CEP57: variants seen among roughly 807,000 people sequenced by gnomAD.
The protein encoded by CEP57 is centrosomal protein 57, also known as centrosomal protein of 57 kDa.
CEP57 carries 40 observed loss-of-function variants against 68.0 expected under a neutral mutation model. The ratio of observed to expected loss-of-function variants is 0.59; its 90% CI spans 0.46 to 0.77. The LOEUF is 0.77. Ranked by LOEUF, CEP57 falls within the 30% of genes least tolerant of loss-of-function variation. The probability of loss-of-function intolerance (pLI) is 0.00; values close to 1 mark genes in which losing one functional copy is unlikely to be tolerated. For synonymous variants in CEP57, 219 were observed against 198.7 expected (o/e 1.10, Z -0.86); for missense variants, 606 against 580.7 (o/e 1.04, Z -0.45).
In CEP57 at chr11:95,827,988, T is replaced by A. The variant is rs771213219; in HGVS notation, c.1088T>A (p.Val363Asp). The change falls in exon 9 of 11, where the codon GTC becomes GAC. Residue 363 changes from valine to aspartate, a missense_variant. Physicochemically the swap from Val to Asp is radical, Grantham distance 152. Transcript: ENST00000325542. ...GGTATTAATGAGGAGTTGTCAGAAG[T>A]CTTACAGACTTTACAGGATGAATTT... The part of the protein sequence containing the change: ...SNGINEELSE[V>D]LQTLQDEFGQ... 6.2e-7 allele frequency: 1 copy of A among 1,613,992 alleles called. No individual in the cohort carries two copies. The highest frequency in any genetic ancestry group is 8.5e-7 in the Non-Finnish European group (1 of 1,179,974).
At chr11:95,825,984 G>A (rs1862728484) in intron 8 of CEP57, 1 of 152,158 alleles carries the variant, frequency 6.6e-6, no homozygotes, top group Admixed American at 6.5e-5. Context: ...AATGGTGGAA[G>A]AATTGGTATC....
At chr11:95,798,736 A>C (rs565265081) in intron 1 of CEP57, among the ~76,000 whole-genome samples, 31 of 152,292 alleles carry the variant, frequency 2.0e-4, no homozygotes, top group African/African-American at 7.2e-4. Context: ...AATGTTTTCT[A>C]ATTATTTTCT....
intron 5 of CEP57, among the ~76,000 whole-genome samples, 187 bp from the exon 6 acceptor site, chr11:95,818,640 G>T (rs1862401803): frequency 6.6e-6 from 1 of 152,064 alleles, no homozygotes; most frequent in Admixed American, 6.6e-5. Flanking sequence ...CCTCACAGAT[G>T]ATAAATAATT....
chr11:95,826,396 T>G (rs1302001952), intron 8 of CEP57: 1 of 152,082 alleles, frequency 6.6e-6, no homozygotes, highest in Admixed American at 6.5e-5. Flanking sequence ...TCAGAACCCA[T>G]GGACACATAG....
At chr11:95,813,305 T>C (rs529309920) in intron 3 of CEP57, among the ~76,000 whole-genome samples, 163 bp from the exon 4 acceptor site, 1 of 152,346 alleles carries the variant, frequency 6.6e-6, no homozygotes, top group South Asian at 2.1e-4. Context: ...CAAGGCCAGT[T>C]TGACTAGCAC....
chr11:95,812,377 T>C (rs1862104537), intron 2 of CEP57, among the ~76,000 whole-genome samples: 1 of 152,124 alleles, frequency 6.6e-6, no homozygotes, highest in South Asian at 2.1e-4. Flanking sequence ...ACCATAGTAA[T>C]GGGGTTTTTA....
intron 2 of CEP57, among the ~76,000 whole-genome samples, chr11:95,805,280 C>T (rs1861750096): frequency 6.6e-6 from 1 of 152,138 alleles, no homozygotes; most frequent in East Asian, 1.9e-4. Context: ...CTGATTATTG[C>T]AGGTATATAA....
chr11:95,820,579 C>CAAAAAAAAAAAA (rs56260498), intron 6 of CEP57, among the ~76,000 whole-genome samples: 3 of 82,436 alleles, frequency 3.6e-5, no homozygotes, highest in Admixed American at 1.4e-4. Context: ...GCAACAAGAG[C>CAAAAAAAAAAAA]AAAAAAAAAA....
chr11:95,790,823 C>G (rs1861003210), intron 1 of CEP57, 80 bp downstream of exon 1: 1 of 1,522,534 alleles, frequency 6.6e-7, no homozygotes, highest in African/African-American at 1.4e-5. Flanking sequence ...AGGGCGCTGT[C>G]AGTCCAGCTT....
intron 1 of CEP57, among the ~76,000 whole-genome samples, chr11:95,798,355 A>G (rs2135255563): frequency 6.6e-6 from 1 of 152,240 alleles, no homozygotes; most frequent in Non-Finnish European, 1.5e-5. Context: ...GTTTCAGGAG[A>G]TTGTTTACTG....
chr11:95,795,650 C>A, intron 1 of CEP57: 2 of 488,188 alleles, frequency 4.1e-6, no homozygotes, highest in South Asian at 3.2e-5. Flanking sequence ...TGTAAAACTT[C>A]ATATTATCAT....
At chr11:95,810,696 G>A (rs1165738006) in intron 2 of CEP57, among the ~76,000 whole-genome samples, 1 of 152,198 alleles carries the variant, frequency 6.6e-6, no homozygotes, top group Non-Finnish European at 1.5e-5. Flanking sequence ...TGAAATAAAA[G>A]AGGATACAAA....
intron 2 of CEP57, among the ~76,000 whole-genome samples, chr11:95,809,881 G>A (rs145471788): frequency 1.9e-3 from 288 of 152,210 alleles, no homozygotes; most frequent in Middle Eastern, 6.8e-3. Context: ...ACCAAAGCCT[G>A]GCAGAGACAC....
At chr11:95,810,450 C>T (rs1050757047) in intron 2 of CEP57, among the ~76,000 whole-genome samples, 1 of 152,178 alleles carries the variant, frequency 6.6e-6, no homozygotes, top group African/African-American at 2.4e-5. Context: ...ATTTAGAAAA[C>T]CCTATCGTCT....
At chr11:95,796,719 T>C (rs997524835) in intron 1 of CEP57, among the ~76,000 whole-genome samples, 3 of 152,142 alleles carry the variant, frequency 2.0e-5, no homozygotes, top group Non-Finnish European at 4.4e-5. Context: ...CCCCATACAT[T>C]AAGGGGCTCC....
At chr11:95,803,934 T>G (rs542579421) in intron 2 of CEP57, among the ~76,000 whole-genome samples, 1 of 152,202 alleles carries the variant, frequency 6.6e-6, no homozygotes, top group South Asian at 2.1e-4. Context: ...TATAGCCATG[T>G]TGAGGTAAGG....
Position 95,827,975 on chromosome 11 carries a change from G to A in CEP57, c.1075G>A (p.Glu359Lys), listed in dbSNP as rs781248377. 5.0e-6 allele frequency: 8 copies of A among 1,613,874 alleles called. No individual in the cohort carries two copies. The highest frequency in any genetic ancestry group is 5.9e-6 in the Non-Finnish European group (7 of 1,179,992). Residue 359 changes from glutamate to lysine, a missense_variant, in exon 9 of 11, where the codon GAG becomes AAG. Physicochemically the swap from Glu to Lys is moderately conservative, Grantham distance 56. Transcript: ENST00000325542. ...TCCCTCCTCCAACGGTATTAATGAG[G>A]AGTTGTCAGAAGTCTTACAGACTTT... is the stretch of plus-strand genomic sequence containing the variant. Reference protein sequence around the residue: ...TPPSSNGINEELSEVLQTLQD... With the variant: ...TPPSSNGINEKLSEVLQTLQD...
Position 95,813,502 on chromosome 11 carries a change from A to G in CEP57, c.417A>G (p.Lys139=), listed in dbSNP as rs1248749562. The G allele has an allele frequency of 1.9e-6, 3 of 1,612,932 alleles. No individual in the cohort carries two copies. The highest frequency in any genetic ancestry group is 2.5e-6 in the Non-Finnish European group (3 of 1,179,910). Residue 139 remains lysine (K), a synonymous_variant, in exon 4 of 11, where the codon AAA becomes AAG. Transcript: ENST00000325542. The part of the protein sequence containing the change: ...LTSQLLAAEN[K]CNLLEKQLEY... ...CTCAGTTGTTAGCTGCAGAAAATAA[A>G]TGCAATCTATTAGAAAAACAATTGG...
chr11:95,791,015 C>G (rs1342371329), intron 1 of CEP57, among the ~76,000 whole-genome samples: 1 of 152,230 alleles, frequency 6.6e-6, no homozygotes, highest in Non-Finnish European at 1.5e-5. Context: ...GCCTAACATT[C>G]CCAAGGGCCG....
Sources: gnomAD v4.1 joint callset for allele counts (sites outside exome capture counted in the v4.1 genomes callset) on GRCh38, gnomAD v4.1.1 for gene constraint, MANE v1.5 for transcripts, NCBI Gene and HGNC (gene_info 2026-07-23, HGNC 2026-07-21) for gene names.